The following GRM8 variants were observed in gnomAD, a reference collection of about 807,000 sequenced individuals.
GRM8 encodes glutamate metabotropic receptor 8.
GRM8 carries 47 observed loss-of-function variants against 87.2 expected under a neutral mutation model. The observed-to-expected ratio is 0.54, with a 90% CI of 0.43 to 0.69. GRM8 has a LOEUF of 0.69. GRM8 is among the 30% of genes least tolerant of loss of function. The probability of loss-of-function intolerance (pLI) is 0.00; values close to 1 mark genes in which losing one functional copy is unlikely to be tolerated. For synonymous variants in GRM8, 396 were observed against 404.5 expected, an observed-to-expected ratio of 0.98 and a Z score of 0.25; for missense variants, 1,019 against 1,139.2, an observed-to-expected ratio of 0.89 and a Z score of 1.52.
chr7:127,127,217 T>C (rs1827423314), intron 2 of GRM8, among the ~76,000 whole-genome samples: 1 of 152,000 alleles, frequency 6.6e-6, no homozygotes, highest in Non-Finnish European at 1.5e-5. Flanking sequence ...TATGTACATA[T>C]GTATGTACAC....
At chr7:127,089,203 G>A (rs1396584122) in intron 3 of GRM8, among the ~76,000 whole-genome samples, 1 of 152,166 alleles carries the variant, frequency 6.6e-6, no homozygotes, top group Non-Finnish European at 1.5e-5. Flanking sequence ...AGAGAGAAAG[G>A]TGATGTGACA....
chr7:126,749,103 G>A (rs948488611), intron 7 of GRM8, among the ~76,000 whole-genome samples: 4 of 151,796 alleles, frequency 2.6e-5, no homozygotes, highest in Middle Eastern at 3.2e-3. Context: ...ATGAAACCTC[G>A]TCTCTAACCA....
intron 2 of GRM8, among the ~76,000 whole-genome samples, chr7:127,207,049 C>T (rs1451066385): frequency 2.0e-5 from 3 of 152,138 alleles, no homozygotes; most frequent in Admixed American, 2.0e-4. Flanking sequence ...AGCAATGATT[C>T]CCCAGGTTTC....
chr7:127,110,504 G>A (rs761826153), intron 2 of GRM8, among the ~76,000 whole-genome samples: 2 of 151,930 alleles, frequency 1.3e-5, no homozygotes, highest in Non-Finnish European at 2.9e-5. Flanking sequence ...TTTGTGCTGA[G>A]ACTTCATAAA....
chr7:127,190,377 CTACT>C (rs1794961600), intron 2 of GRM8, among the ~76,000 whole-genome samples: 1 of 152,104 alleles, frequency 6.6e-6, no homozygotes, highest in Non-Finnish European at 1.5e-5. Flanking sequence ...AACCCCATCT[CTACT>C]AAAAATACAA....
chr7:126,850,860 G>A (rs1287648690), intron 6 of GRM8, among the ~76,000 whole-genome samples: 1 of 152,124 alleles, frequency 6.6e-6, no homozygotes, highest in Non-Finnish European at 1.5e-5. Flanking sequence ...GGAACACCAG[G>A]GCTTAGGTAA....
At chr7:126,803,490 C>A (rs1031621541) in intron 6 of GRM8, among the ~76,000 whole-genome samples, 1 of 151,584 alleles carries the variant, frequency 6.6e-6, no homozygotes, top group Non-Finnish European at 1.5e-5. Context: ...AAATCAAAGT[C>A]AAAAAAAATT....
At chr7:127,136,144 A>G (rs1827934706) in intron 2 of GRM8, among the ~76,000 whole-genome samples, 1 of 151,628 alleles carries the variant, frequency 6.6e-6, no homozygotes, top group East Asian at 1.9e-4. Context: ...TTATTAAAGG[A>G]CAAAAATAAC....
At chr7:126,458,962 T>A (rs571971982) in intron 9 of GRM8, among the ~76,000 whole-genome samples, 1 of 150,152 alleles carries the variant, frequency 6.7e-6, no homozygotes, top group East Asian at 2.0e-4. Flanking sequence ...AATCTTAGGA[T>A]GCAGGAAATC....
intron 3 of GRM8, among the ~76,000 whole-genome samples, chr7:127,101,736 G>C (rs1380697195): frequency 2.0e-5 from 3 of 152,092 alleles, no homozygotes; most frequent in Non-Finnish European, 2.9e-5. Flanking sequence ...AGAAATGCAA[G>C]AACAGCCTAA....
chr7:126,816,732 TTGTGTGTGTGTGTGTG>T (rs3038866), intron 6 of GRM8, among the ~76,000 whole-genome samples: 8 of 145,934 alleles, frequency 5.5e-5, no homozygotes, highest in South Asian at 4.4e-4. Flanking sequence ...GTATATGATT[TTGTGTGTGTGTGTGTG>T]TGTGTGTGTG....
At chr7:127,093,375 T>C (rs924418184) in intron 3 of GRM8, among the ~76,000 whole-genome samples, 22 of 152,184 alleles carry the variant, frequency 1.4e-4, no homozygotes, top group Non-Finnish European at 2.6e-4. Flanking sequence ...CTCACGTGAA[T>C]AATTCCATCT....
At chr7:126,870,058 A>C (rs954728159) in intron 6 of GRM8, 1 of 151,692 alleles carries the variant, frequency 6.6e-6, no homozygotes, top group East Asian at 1.9e-4. Context: ...AACTTGCTGA[A>C]GTTTGTACAT....
At chr7:126,595,501 A>G (rs1797094035) in intron 8 of GRM8, among the ~76,000 whole-genome samples, 1 of 151,380 alleles carries the variant, frequency 6.6e-6, no homozygotes, top group South Asian at 2.1e-4. Context: ...TCCCGGACTC[A>G]AGTAATCAGC....
At chr7:127,171,070 T>C (rs994934473) in intron 2 of GRM8, among the ~76,000 whole-genome samples, 1 of 152,182 alleles carries the variant, frequency 6.6e-6, no homozygotes, top group Non-Finnish European at 1.5e-5. Context: ...TGGAAGAAGT[T>C]GATTCCAACC....
chr7:126,668,067 G>C (rs1488338381), intron 7 of GRM8, among the ~76,000 whole-genome samples: 1 of 152,194 alleles, frequency 6.6e-6, no homozygotes, highest in East Asian at 1.9e-4. Context: ...AGCCACAGAA[G>C]TTCCAGCCCT....
At chr7:126,502,372 A>G (rs1584848422) in intron 9 of GRM8, among the ~76,000 whole-genome samples, 1 of 152,072 alleles carries the variant, frequency 6.6e-6, no homozygotes, top group Non-Finnish European at 1.5e-5. Flanking sequence ...TGTTTACAGG[A>G]GGAGGGGAGA....
intron 3 of GRM8, among the ~76,000 whole-genome samples, chr7:127,061,313 G>T (rs10268335): frequency 0.091 from 13,802 of 152,088 alleles, 742 homozygotes; most frequent in African/African-American, 0.15. Flanking sequence ...CTCATTTCGT[G>T]CAGTTACTTA....
chr7:127,141,952 A>T (rs1484981420), intron 2 of GRM8, among the ~76,000 whole-genome samples: 1 of 151,796 alleles, frequency 6.6e-6, no homozygotes, highest in Non-Finnish European at 1.5e-5. Flanking sequence ...CTGGTCAAGA[A>T]CTCTTAATAC....
Sources: gnomAD v4.1 joint callset for allele counts (sites outside exome capture counted in the v4.1 genomes callset) on GRCh38, gnomAD v4.1.1 for gene constraint, MANE v1.5 for transcripts, NCBI Gene and HGNC (gene_info 2026-07-23, HGNC 2026-07-21) for gene names.